The following PLPP5 variants were observed in gnomAD, a reference collection of about 807,000 sequenced individuals.
PLPP5 encodes diacylglycerol pyrophosphate like 1.
A neutral mutation model predicts 23.6 loss-of-function variants in PLPP5; 29 were observed. The observed-to-expected ratio is 1.23, with a 90% CI of 0.92 to 1.68. The LOEUF is 1.68. Among genes scored for constraint, PLPP5 ranks in the 40% most tolerant of loss-of-function variants. The pLI is 0.00. For missense variants in PLPP5, 315 were observed against 332.1 expected (o/e 0.95, Z 0.40); for synonymous variants, 143 against 131.3 (o/e 1.09, Z -0.61).
At chr8:38,266,349 A>G (rs1393614600) in intron 5 of PLPP5, 38 bp from the exon 6 acceptor site, 2 of 1,577,076 alleles carry the variant, frequency 1.3e-6, no homozygotes, top group Non-Finnish European at 1.7e-6. Context: ...TTGTCTTTTA[A>G]AGGAAGCTAC....
chr8:38,263,587 C>G lies in PLPP5; in HGVS notation c.*857G>C. The G allele has an allele frequency of 1.0e-6, 1 of 985,318 alleles. No homozygotes were observed. Among genetic ancestry groups the G allele is most frequent in the Non-Finnish European group, 1.2e-6 (1 of 829,862 alleles). 61.0% of individuals were successfully genotyped at this position (985,318 alleles called of 1,614,324 possible). ...ACGGTGTTCAAAATGCACAGCAGTA[C>G]CAGATGGCTGGACTCAGATAAGATG... On this transcript the variant is annotated 3_prime_UTR_variant, in exon 7 of 7. Coordinates refer to ENST00000424479, the MANE Select transcript of PLPP5 (RefSeq NM_001102559.2).
At position 38,269,110 on chromosome 8, in the gene PLPP5, C is replaced by A; in HGVS notation, c.74+16G>T. 2 of 1,525,468 alleles carry A rather than the reference C, an allele frequency of 1.3e-6. No individual in the cohort carries two copies. The highest frequency in any genetic ancestry group is 1.8e-6 in the Non-Finnish European group (2 of 1,141,548). The allele number at this position is 1,525,468 out of a possible 1,614,324, so 94.5% of individuals were successfully genotyped here. On this transcript the variant is annotated intron_variant, in intron 1 of 6. Coordinates refer to ENST00000424479, the MANE Select transcript of PLPP5 (RefSeq NM_001102559.2). Reference sequence around the variant, plus strand: ...GGAAGCGGGGCCGCCCGGGCCCGGCCGTGGATCTTTCTTACAGGAAGGCCG... The same window carrying A: ...GGAAGCGGGGCCGCCCGGGCCCGGCAGTGGATCTTTCTTACAGGAAGGCCG...
chr8:38,268,840 C>T (rs781516298), intron 2 of PLPP5, 42 bp downstream of exon 2: 1 of 1,494,178 alleles, frequency 6.7e-7, no homozygotes, highest in East Asian at 2.5e-5. Flanking sequence ...CGCGGGAAGC[C>T]GGGTCATGGG....
chr8:38,264,734 T>TA, intron 6 of PLPP5, 130 bp from the exon 7 acceptor site: 2 of 1,443,552 alleles, frequency 1.4e-6, no homozygotes, highest in Non-Finnish European at 1.8e-6. Flanking sequence ...ATTCCAGACT[T>TA]ATGATTTCTA....
Position 38,263,950 on chromosome 8 carries a change from G to A in PLPP5, c.*494C>T, listed in dbSNP as rs1807229649. On this transcript the variant is annotated 3_prime_UTR_variant, in exon 7 of 7. Coordinates refer to ENST00000424479, the MANE Select transcript of PLPP5 (RefSeq NM_001102559.2). ...AAAGATCCTTTTACTAGAACATGTG[G>A]CATACAGTAGTGGAAAAGAACCGTA... 1.0e-6 allele frequency: 1 copy of A among 985,246 alleles called. No individual in the cohort carries two copies. Among genetic ancestry groups the A allele is most frequent in the South Asian group, 4.7e-5 (1 of 21,288 alleles). The allele number at this position is 985,246 out of a possible 1,614,324, so 61.0% of individuals were successfully genotyped here.
intron 4 of PLPP5, 41 bp downstream of exon 4, chr8:38,267,856 G>A (rs772754864): frequency 5.6e-6 from 9 of 1,597,414 alleles, no homozygotes; most frequent in South Asian, 1.1e-5. Flanking sequence ...GGTGGGTAAG[G>A]GCTGAGGCAG....
Position 38,263,337 on chromosome 8 carries a change from C to G in PLPP5, c.*1107G>C, listed in dbSNP as rs1807184170. The G allele has an allele frequency of 1.0e-6, 1 of 969,542 alleles. No individual in the cohort carries two copies. The highest frequency in any genetic ancestry group is 4.8e-5 in the South Asian group (1 of 21,008). 60.1% of individuals were successfully genotyped at this position (969,542 alleles called of 1,614,324 possible). A position where few individuals can be genotyped will look rare whatever the true frequency, so the allele number is the denominator to read the frequency against. On this transcript the variant is annotated 3_prime_UTR_variant, in exon 7 of 7. Transcript: ENST00000424479. The stretch of plus-strand genomic sequence containing the variant: ...GGCAGAAAAAGATTCATCTGTCCTT[C>G]AGATGACGATACCTGTCATTTTTCT...
At chr8:38,267,722 C>T in intron 4 of PLPP5, 175 bp downstream of exon 4, 1 of 702,468 alleles carries the variant, frequency 1.4e-6, no homozygotes, top group East Asian at 2.7e-5. Flanking sequence ...GCCCAGGTGT[C>T]ACCTGGAGGA....
At position 38,268,429 on chromosome 8, in the gene PLPP5, G is replaced by A; in HGVS notation, c.216C>T (p.Ile72=). The A allele has an allele frequency of 1.3e-6, 2 of 1,577,264 alleles. No individual in the cohort carries two copies. The highest frequency in any genetic ancestry group is 8.6e-7 in the Non-Finnish European group (1 of 1,161,280). The change falls in exon 3 of 7, where the codon ATC becomes ATT. Residue 72 remains isoleucine, a synonymous_variant. Transcript: ENST00000424479. The part of the protein sequence containing the change: ...VIAFLSPLSL[I]FLAKFLKKAD... ...CCTTCTTGAGAAATTTGGCCAGGAA[G>A]ATCAGAGACAGTGGAGAGAGAAATG... is the stretch of plus-strand genomic sequence containing the variant.
chr8:38,263,891 A>G lies in PLPP5; in HGVS notation c.*553T>C. On this transcript the variant is annotated 3_prime_UTR_variant, in exon 7 of 7. Coordinates refer to ENST00000424479, the MANE Select transcript of PLPP5 (RefSeq NM_001102559.2). Reference sequence around the variant, plus strand: ...CTGTAGATCTTCAGATATTAATCTGATAGACCAGATTCATAAGGTGTTGGA... The same window carrying G: ...CTGTAGATCTTCAGATATTAATCTGGTAGACCAGATTCATAAGGTGTTGGA... 2.0e-6 allele frequency: 2 copies of G among 984,674 alleles called. No homozygotes were observed. The highest frequency in any genetic ancestry group is 2.4e-6 in the Non-Finnish European group (2 of 829,238). 61.0% of individuals were successfully genotyped at this position (984,674 alleles called of 1,614,324 possible).
chr8:38,265,723 G>A (rs1210577973), intron 6 of PLPP5: 1 of 153,234 alleles, frequency 6.5e-6, no homozygotes, highest in Non-Finnish European at 1.5e-5. Context: ...GCCAAGCCAG[G>A]TGTTCTGTAA....
In PLPP5 at chr8:38,269,218, C is replaced by G. The variant is rs1030199774; in HGVS notation, c.-19G>C. On this transcript the variant is annotated 5_prime_UTR_variant, in exon 1 of 7. Coordinates refer to ENST00000424479, the MANE Select transcript of PLPP5 (RefSeq NM_001102559.2). Reference sequence around the variant, plus strand: ...TCCCCATCCGGCCGCGAGCTCCGAGCGACGCTGCGCTGACGTGGCCACCTC... The same window carrying G: ...TCCCCATCCGGCCGCGAGCTCCGAGGGACGCTGCGCTGACGTGGCCACCTC... 2.0e-6 allele frequency: 3 copies of G among 1,485,946 alleles called. No individual in the cohort carries two copies. The African/African-American group carries it at 4.4e-5, about 22-fold the overall frequency. 92.0% of individuals were successfully genotyped at this position (1,485,946 alleles called of 1,614,324 possible). A position where few individuals can be genotyped will look rare whatever the true frequency, so the allele number is the denominator to read the frequency against.
Position 38,263,340 on chromosome 8 carries a change from A to G in PLPP5, c.*1104T>C. The G allele has an allele frequency of 1.0e-6, 1 of 976,394 alleles. No homozygotes were observed. Among genetic ancestry groups the G allele is most frequent in the Non-Finnish European group, 1.2e-6 (1 of 821,690 alleles). The allele number at this position is 976,394 out of a possible 1,614,324, so 60.5% of individuals were successfully genotyped here. ...AGAAAAAGATTCATCTGTCCTTCAG[A>G]TGACGATACCTGTCATTTTTCTTTT... On this transcript the variant is annotated 3_prime_UTR_variant, in exon 7 of 7. Transcript: ENST00000424479.
chr8:38,266,100 G>C, intron 6 of PLPP5, 41 bp downstream of exon 6: 1 of 1,591,966 alleles, frequency 6.3e-7, no homozygotes, highest in East Asian at 2.2e-5. Flanking sequence ...AATAAAATGA[G>C]TGAAATATGC....
chr8:38,264,064 A>T lies in PLPP5; in HGVS notation c.*380T>A. Reference sequence around the variant, plus strand: ...GCTTATGTCCTCACTTGCACCTTGGAAGGGGAAAAAAAGGCTAGAATTTCT... The same window carrying T: ...GCTTATGTCCTCACTTGCACCTTGGTAGGGGAAAAAAAGGCTAGAATTTCT... On this transcript the variant is annotated 3_prime_UTR_variant, in exon 7 of 7. Transcript: ENST00000424479. The T allele has an allele frequency of 1.0e-6, 1 of 989,932 alleles. No homozygotes were observed. Among genetic ancestry groups the T allele is most frequent in the Non-Finnish European group, 1.2e-6 (1 of 832,992 alleles). 61.3% of individuals were successfully genotyped at this position (989,932 alleles called of 1,614,324 possible). A position where few individuals can be genotyped will look rare whatever the true frequency, so the allele number is the denominator to read the frequency against.
intron 2 of PLPP5, 72 bp downstream of exon 2, chr8:38,268,810 G>A (rs1246375489): frequency 1.9e-5 from 27 of 1,455,702 alleles, no homozygotes; most frequent in Middle Eastern, 4.0e-4. Flanking sequence ...CCGTCTCGGG[G>A]TGGAAAACGC....
At position 38,264,465 on chromosome 8, in the gene PLPP5, A is replaced by G; in HGVS notation, c.774T>C (p.Asp258=). The G allele has an allele frequency of 6.5e-7, 1 of 1,550,034 alleles. No individual in the cohort carries two copies. The highest frequency in any genetic ancestry group is 8.7e-7 in the Non-Finnish European group (1 of 1,146,694). ...LVLSTAQKPG[D]SYCFDI ...ATTTTTAAATATCAAAACAATAAGA[A>G]TCCCCAGGCTTCTGTGCAGTGGAAA... Residue 258 remains aspartate, a synonymous_variant, in exon 7 of 7, where the codon GAT becomes GAC. Coordinates refer to ENST00000424479, the MANE Select transcript of PLPP5 (RefSeq NM_001102559.2).
chr8:38,265,004 C>T (rs1188117306), intron 6 of PLPP5: 4 of 1,246,172 alleles, frequency 3.2e-6, no homozygotes, highest in Admixed American at 1.7e-5. Context: ...CACGGTGACT[C>T]ACGCCTGTAA....
At chr8:38,268,624 C>T in intron 2 of PLPP5, 163 bp from the exon 3 acceptor site, 1 of 1,440,170 alleles carries the variant, frequency 6.9e-7, no homozygotes, top group Non-Finnish European at 9.1e-7. Flanking sequence ...ACAGCAGCGC[C>T]CGTGCGGCTC....
Sources: gnomAD v4.1 joint callset for allele counts on GRCh38, gnomAD v4.1.1 for gene constraint, MANE v1.5 for transcripts, NCBI Gene and HGNC (gene_info 2026-07-23, HGNC 2026-07-21) for gene names.